Variants in PUDP observed in about 807,000 individuals in gnomAD.
PUDP encodes pseudouridine-5'-phosphatase.
A neutral mutation model predicts 9.4 loss-of-function variants in PUDP; 8 were observed. The ratio of observed to expected loss-of-function variants is 0.85; its 90% CI spans 0.50 to 1.53. The LOEUF (loss-of-function observed/expected upper bound fraction) is 1.53. PUDP is among the 40% of genes most tolerant of loss of function. The pLI is 0.00. For missense variants in PUDP, 188 were observed against 189.7 expected, an observed-to-expected ratio of 0.99 and a Z score of 0.05; for synonymous variants, 99 against 80.7, an observed-to-expected ratio of 1.23 and a Z score of -1.22.
intron 3 of PUDP, among the ~76,000 whole-genome samples, chrX:7,076,144 A>G (rs1317186247): frequency 8.9e-6 from 1 of 111,908 alleles, no homozygotes; most frequent in African/African-American, 3.2e-5. Context: ...ACAAAACAAA[A>G]CAAAACAACA....
chrX:6,931,329 A>G (rs1928187578), intron 3 of PUDP, among the ~76,000 whole-genome samples: 1 of 111,791 alleles, frequency 8.9e-6, no homozygotes, highest in Admixed American at 9.6e-5. Flanking sequence ...AATGTCATCA[A>G]TTTCATTAAA....
At chrX:7,091,288 C>T (rs1262988456) in intron 2 of PUDP, among the ~76,000 whole-genome samples, 1 of 112,042 alleles carries the variant, frequency 8.9e-6, no homozygotes, top group Non-Finnish European at 1.9e-5. Context: ...CTAGGTTTCA[C>T]TAGAATGTGG....
At chrX:6,814,867 G>T (rs773445408) in intron 3 of PUDP, among the ~76,000 whole-genome samples, 108 of 111,539 alleles carry the variant, frequency 9.7e-4, no homozygotes, top group African/African-American at 3.1e-3. Flanking sequence ...CTTAATGGGT[G>T]TTTCCATTTC....
chrX:6,970,747 C>A (rs1378962287), intron 3 of PUDP, among the ~76,000 whole-genome samples: 1 of 111,422 alleles, frequency 9.0e-6, no homozygotes, highest in Non-Finnish European at 1.9e-5. Context: ...GAGAGGACTG[C>A]CTGTATGATG....
intron 1 of PUDP, among the ~76,000 whole-genome samples, chrX:7,006,634 T>C (rs1346128884): frequency 5.4e-5 from 6 of 110,947 alleles, no homozygotes; most frequent in African/African-American, 2.0e-4. Context: ...AGAAGTTGTA[T>C]GAGGTATTAG....
At chrX:7,096,382 T>C (rs756021742) in intron 2 of PUDP, among the ~76,000 whole-genome samples, 1 of 111,323 alleles carries the variant, frequency 9.0e-6, no homozygotes, top group African/African-American at 3.3e-5. Flanking sequence ...CACATAGGCA[T>C]CATAAGACAA....
At chrX:7,141,561 T>A (rs768259512) in intron 1 of PUDP, among the ~76,000 whole-genome samples, 2 of 113,219 alleles carry the variant, frequency 1.8e-5, no homozygotes, top group African/African-American at 6.4e-5. Context: ...GAACAGCTCC[T>A]TGAAGCAGCA....
chrX:6,916,928 C>T (rs1927944890), intron 3 of PUDP, among the ~76,000 whole-genome samples: 2 of 111,868 alleles, frequency 1.8e-5, no homozygotes, highest in Admixed American at 9.5e-5. Context: ...ATAAAATTAT[C>T]GTTTCTATAT....
intron 3 of PUDP, among the ~76,000 whole-genome samples, chrX:6,777,368 C>CAGTGCTTTG (rs1422810864): frequency 1.8e-5 from 2 of 111,899 alleles, no homozygotes; most frequent in Non-Finnish European, 3.8e-5. Context: ...TAACTAGGCT[C>CAGTGCTTTG]AGTGCTTTGA....
chrX:7,080,694 A>G (rs1931054416), intron 2 of PUDP, among the ~76,000 whole-genome samples: 1 of 112,030 alleles, frequency 8.9e-6, no homozygotes, highest in Non-Finnish European at 1.9e-5. Flanking sequence ...AGAGGACTAT[A>G]TTTATTAGCT....
intron 1 of PUDP, among the ~76,000 whole-genome samples, chrX:6,985,199 A>G (rs769913878): frequency 8.2e-4 from 92 of 112,175 alleles, no homozygotes; most frequent in African/African-American, 2.9e-3. Flanking sequence ...TCAAAATTAC[A>G]AAGTTTTCCA....
At chrX:6,708,377 G>A (rs1194018636) in intron 1 of PUDP, among the ~76,000 whole-genome samples, 1 of 111,621 alleles carries the variant, frequency 9.0e-6, no homozygotes, top group Non-Finnish European at 1.9e-5. Context: ...AGGACACTTG[G>A]TGTCTCCCTT....
At chrX:7,057,931 G>C (rs947831136) in intron 3 of PUDP, 5 of 522,094 alleles carry the variant, frequency 9.6e-6, no homozygotes, top group Middle Eastern at 3.9e-4. Flanking sequence ...ATGCTCTCGT[G>C]TTCCTCCCCA....
intron 1 of PUDP, among the ~76,000 whole-genome samples, chrX:7,005,623 T>C (rs1929392146): frequency 9.0e-6 from 1 of 110,646 alleles, no homozygotes; most frequent in African/African-American, 3.3e-5. Context: ...TTGCCCAGGC[T>C]GGTCTCGAAC....
intron 1 of PUDP, among the ~76,000 whole-genome samples, chrX:7,018,163 C>A (rs1027268076): frequency 8.9e-6 from 1 of 111,925 alleles, no homozygotes; most frequent in African/African-American, 3.3e-5. Context: ...GCCCTTGGGG[C>A]TGCTCTGTCT....
chrX:6,805,379 C>G (rs1323907201), intron 3 of PUDP, among the ~76,000 whole-genome samples: 1 of 111,156 alleles, frequency 9.0e-6, no homozygotes, highest in Non-Finnish European at 1.9e-5. Context: ...TTAGGTCTAG[C>G]CAGAAGACAG....
intron 1 of PUDP, among the ~76,000 whole-genome samples, chrX:7,143,910 T>A (rs1258613805): frequency 9.0e-6 from 1 of 111,255 alleles, no homozygotes; most frequent in East Asian, 2.8e-4. Context: ...AGAACCTACA[T>A]TTCACCTAGC....
intron 3 of PUDP, among the ~76,000 whole-genome samples, chrX:6,801,174 GA>G (rs1205697079): frequency 8.9e-6 from 1 of 112,190 alleles, no homozygotes; most frequent in Non-Finnish European, 1.9e-5. Context: ...AAAGGATATT[GA>G]AAGCCCACAT....
chrX:7,116,584 C>A (rs184461030), intron 1 of PUDP, among the ~76,000 whole-genome samples: 3 of 111,925 alleles, frequency 2.7e-5, no homozygotes, highest in East Asian at 5.7e-4. Context: ...ACTCCTGCAT[C>A]CCTTACCACA....
Sources: gnomAD v4.1 joint callset for allele counts (sites outside exome capture counted in the v4.1 genomes callset) on GRCh38, gnomAD v4.1.1 for gene constraint, MANE v1.5 for transcripts, NCBI Gene and HGNC (gene_info 2026-07-23, HGNC 2026-07-21) for gene names.